Variants in ARB2A observed in about 807,000 individuals in gnomAD.
ARB2A encodes ARB2 cotranscriptional regulator A.
chr5:93,835,960 G>A, the ARB2A span, among the ~76,000 whole-genome samples: 3 of 152,172 alleles, frequency 2.0e-5, no homozygotes, highest in South Asian at 2.1e-4. Context: ...TAGTCTGCTG[G>A]ATGGAGGATG....
At chr5:93,670,412 G>C in the ARB2A span, among the ~76,000 whole-genome samples, 1 of 152,144 alleles carries the variant, frequency 6.6e-6, no homozygotes, top group Admixed American at 6.5e-5. Context: ...ACTCACCTTC[G>C]TTTGTTCCTT....
the ARB2A span, among the ~76,000 whole-genome samples, chr5:93,784,959 A>C: frequency 6.6e-6 from 1 of 152,216 alleles, no homozygotes; most frequent in East Asian, 1.9e-4. Flanking sequence ...CAATTTAACT[A>C]GCCTGCTCTT....
chr5:93,836,282 C>G, the ARB2A span, among the ~76,000 whole-genome samples: 7 of 152,162 alleles, frequency 4.6e-5, no homozygotes, highest in Non-Finnish European at 1.0e-4. Flanking sequence ...CCACCTCGGC[C>G]TCCCAAAGTG....
chr5:94,071,543 T>C, the ARB2A span, among the ~76,000 whole-genome samples: 3 of 152,026 alleles, frequency 2.0e-5, no homozygotes, highest in African/African-American at 7.2e-5. Context: ...CAAAACTCAA[T>C]AGTTTTAAAA....
At chr5:93,761,134 G>A in the ARB2A span, among the ~76,000 whole-genome samples, 351 of 152,292 alleles carry the variant, frequency 2.3e-3, no homozygotes, top group African/African-American at 8.0e-3. Context: ...CATGAGCGAC[G>A]CAGAAGACGG....
the ARB2A span, among the ~76,000 whole-genome samples, chr5:94,099,714 T>C: frequency 1.4e-5 from 2 of 146,594 alleles, no homozygotes; most frequent in Non-Finnish European, 3.0e-5. Context: ...CATATGATAA[T>C]CTGAATAGGC....
chr5:93,777,983 G>A, the ARB2A span, among the ~76,000 whole-genome samples: 3 of 152,070 alleles, frequency 2.0e-5, no homozygotes, highest in Admixed American at 6.6e-5. Context: ...GCAGATTTTT[G>A]TAAGAAACAG....
the ARB2A span, chr5:93,739,334 TAAG>T: frequency 6.6e-6 from 1 of 151,716 alleles, no homozygotes; most frequent in Non-Finnish European, 1.5e-5. Flanking sequence ...AGGAAAAAAT[TAAG>T]AAGAATGAAG....
the ARB2A span, among the ~76,000 whole-genome samples, chr5:94,101,337 T>C: frequency 5.9e-5 from 9 of 151,942 alleles, no homozygotes; most frequent in Admixed American, 3.3e-4. Context: ...CCCTGATACA[T>C]TGTCGGTAGG....
chr5:94,008,743 T>A, the ARB2A span, among the ~76,000 whole-genome samples: 1 of 152,152 alleles, frequency 6.6e-6, no homozygotes, highest in African/African-American at 2.4e-5. Flanking sequence ...TATGCTTTTC[T>A]TCACACAAAA....
chr5:94,053,089 A>ATAGG, the ARB2A span: 1 of 1,131,154 alleles, frequency 8.8e-7, no homozygotes, highest in Non-Finnish European at 1.3e-6. Context: ...AGATAGATAG[A>ATAGG]TAGATAGATA....
chr5:93,836,513 A>G, the ARB2A span, among the ~76,000 whole-genome samples: 2 of 152,246 alleles, frequency 1.3e-5, no homozygotes, highest in African/African-American at 2.4e-5. Context: ...TAAATTGTGC[A>G]TTAATATAGA....
chr5:93,800,579 G>A, the ARB2A span, among the ~76,000 whole-genome samples: 11 of 152,062 alleles, frequency 7.2e-5, no homozygotes, highest in African/African-American at 2.7e-4. Context: ...GGGACAAGAC[G>A]GGAGAGGAGG....
chr5:94,081,614 C>T, the ARB2A span, among the ~76,000 whole-genome samples: 4 of 152,006 alleles, frequency 2.6e-5, no homozygotes, highest in Admixed American at 6.6e-5. Flanking sequence ...ACATATTGTA[C>T]GATTCCATTT....
the ARB2A span, among the ~76,000 whole-genome samples, chr5:93,917,096 G>GT: frequency 6.6e-6 from 1 of 151,986 alleles, no homozygotes; most frequent in Non-Finnish European, 1.5e-5. Context: ...AAATGTATGC[G>GT]TATTATCTTC....
the ARB2A span, among the ~76,000 whole-genome samples, chr5:93,851,453 T>C: frequency 6.6e-6 from 1 of 152,174 alleles, no homozygotes; most frequent in Non-Finnish European, 1.5e-5. Context: ...TATTTTTACT[T>C]TATTTTATTA....
the ARB2A span, among the ~76,000 whole-genome samples, chr5:93,689,448 C>T: frequency 2.0e-5 from 3 of 152,254 alleles, no homozygotes; most frequent in East Asian, 5.8e-4. Flanking sequence ...AGTTTTACTG[C>T]CATCACCAGA....
the ARB2A span, among the ~76,000 whole-genome samples, chr5:93,793,030 C>A: frequency 6.6e-6 from 1 of 151,854 alleles, no homozygotes; most frequent in East Asian, 1.9e-4. Context: ...AAGTGACCCA[C>A]GCATACCACA....
the ARB2A span, among the ~76,000 whole-genome samples, chr5:94,060,371 G>A: frequency 6.6e-6 from 1 of 151,734 alleles, no homozygotes; most frequent in African/African-American, 2.4e-5. Context: ...GAACAAGAAG[G>A]GAATATTAGT....
Sources: gnomAD v4.1 joint callset for allele counts (sites outside exome capture counted in the v4.1 genomes callset) on GRCh38, gnomAD v4.1.1 for gene constraint, MANE v1.5 for transcripts, NCBI Gene and HGNC (gene_info 2026-07-23, HGNC 2026-07-21) for gene names.